Variants in CLCA2 observed in about 807,000 individuals in gnomAD.
CLCA2 encodes the protein calcium-activated chloride channel regulator 2.
CLCA2 carries 85 observed loss-of-function variants against 82.9 expected under a neutral mutation model. That is an observed-to-expected ratio of 1.03 (90% CI 0.86 to 1.23). The LOEUF (loss-of-function observed/expected upper bound fraction) is 1.23, where lower values mean the gene tolerates loss of function less well. Among genes scored for constraint, CLCA2 ranks in the 50% most tolerant of loss-of-function variants. The probability of loss-of-function intolerance (pLI) is 0.00; values close to 1 mark genes in which losing one functional copy is unlikely to be tolerated. For synonymous variants in CLCA2, 421 were observed against 391.7 expected, an observed-to-expected ratio of 1.07 and a Z score of -0.88; for missense variants, 1,089 against 1,124.8, an observed-to-expected ratio of 0.97 and a Z score of 0.45.
chr1:86,450,284 T>C (rs1266207280), intron 11 of CLCA2, among the ~76,000 whole-genome samples: 1 of 152,288 alleles, frequency 6.6e-6, no homozygotes. Flanking sequence ...TTATTTTCAA[T>C]GATAAGTACA....
intron 2 of CLCA2, 61 bp downstream of exon 2, chr1:86,425,537 TGC>T: frequency 7.5e-7 from 1 of 1,327,256 alleles, no homozygotes; most frequent in Non-Finnish European, 1.0e-6. Context: ...AAATATACTG[TGC>T]TCAAACGATA....
chr1:86,453,549 A>C lies in CLCA2; in HGVS notation c.2336A>C (p.Glu779Ala). 1 of 1,614,178 alleles carries C rather than the reference A, an allele frequency of 6.2e-7. No homozygotes were observed. Among genetic ancestry groups the C allele is most frequent in the Non-Finnish European group, 8.5e-7 (1 of 1,180,020 alleles). ...GACCTGGAAGCTGTAAAAGTAGAAG[A>C]GGAATTGACCCTATCTTGGACAGCA... The part of the protein sequence containing the change: ...IIDLEAVKVE[E>A]ELTLSWTAPG... Residue 779 changes from glutamate (E) to alanine (A), a missense_variant, in exon 13 of 14, where the codon GAG becomes GCG. Transcript: ENST00000370565.
Position 86,434,645 on chromosome 1 carries a change from T to G in CLCA2, c.872T>G (p.Met291Arg). 2.5e-6 allele frequency: 4 copies of G among 1,614,106 alleles called. No individual in the cohort carries two copies. Among genetic ancestry groups the G allele is most frequent in the Non-Finnish European group, 2.5e-6 (3 of 1,179,972 alleles). Residue 291 changes from methionine (M) to arginine (R), a missense_variant, in exon 6 of 14, where the codon ATG becomes AGG. Met to Arg is a moderately conservative substitution (Grantham distance 91). Transcript: ENST00000370565. ...DSADFHHSFP[M>R]NGTELPPPPT... ...GCTGACTTTCACCACAGCTTTCCCA[T>G]GAATGGGACTGAGCTTCCACCTCCT...
intron 10 of CLCA2, among the ~76,000 whole-genome samples, chr1:86,444,616 C>T (rs1200365863): frequency 6.6e-6 from 1 of 152,116 alleles, no homozygotes; most frequent in African/African-American, 2.4e-5. Context: ...CATGGCTGTT[C>T]ATAGAACTAG....
At chr1:86,428,387 AAAGTATTAC>A in intron 2 of CLCA2, 22 bp from the exon 3 acceptor site, 1 of 1,561,938 alleles carries the variant, frequency 6.4e-7, no homozygotes, top group East Asian at 2.3e-5. Context: ...CAGAGCTGAG[AAAGTATTAC>A]AAGGCATTTC....
At chr1:86,431,804 G>A (rs2101693234) in intron 4 of CLCA2, among the ~76,000 whole-genome samples, 1 of 152,226 alleles carries the variant, frequency 6.6e-6, no homozygotes, top group East Asian at 1.9e-4. Flanking sequence ...ACCCTATTTA[G>A]TTGTTAAAGC....
rs1448897905 is a variant in CLCA2 at position 86,434,614 on chromosome 1, G to A, written c.841G>A (p.Asp281Asn). The change falls in exon 6 of 14, where the codon GAC becomes AAC. Residue 281 changes from aspartate to asparagine, a missense_variant. Asp to Asn is a conservative substitution (Grantham distance 23). Transcript: ENST00000370565. The stretch of plus-strand genomic sequence containing the variant: ...CAGAAGTGCATGGGATGTAATCACA[G>A]ACTCTGCTGACTTTCACCACAGCTT... Reference protein sequence around the residue: ...SLRSAWDVITDSADFHHSFPM... With the variant: ...SLRSAWDVITNSADFHHSFPM... 6.2e-7 allele frequency: 1 copy of A among 1,614,096 alleles called. No homozygotes were observed. Among genetic ancestry groups the A allele is most frequent in the Non-Finnish European group, 8.5e-7 (1 of 1,179,986 alleles).
rs757643348 is a variant in CLCA2, at chr1:86,425,448, G to A, written c.296G>A (p.Ser99Asn). The change falls in exon 2 of 14, where the codon AGC becomes AAC. Residue 99 changes from serine (S) to asparagine (N), a missense_variant. Transcript: ENST00000370565. ...IPATWKANNN[S>N]KIKQESYEKA... ...GCCACATGGAAAGCTAATAATAACAGCAAAATAAAACAAGAATCATATGAA... is the reference window on the plus strand; with the variant it reads ...GCCACATGGAAAGCTAATAATAACAACAAAATAAAACAAGAATCATATGAA... 6.5e-6 allele frequency: 10 copies of A among 1,545,114 alleles called. No homozygotes were observed. The Admixed American group carries it at 1.9e-4, about 30-fold the overall frequency.
chr1:86,438,777 T>C, intron 6 of CLCA2, 99 bp from the exon 7 acceptor site: 2 of 956,720 alleles, frequency 2.1e-6, no homozygotes, highest in Non-Finnish European at 3.2e-6. Context: ...CCAACATCTC[T>C]AAAGAATTAG....
intron 2 of CLCA2, 33 bp from the exon 3 acceptor site, chr1:86,428,385 A>C: frequency 6.4e-7 from 1 of 1,561,300 alleles, no homozygotes; most frequent in African/African-American, 1.4e-5. Context: ...AACAGAGCTG[A>C]GAAAGTATTA....
intron 7 of CLCA2, 34 bp downstream of exon 7, chr1:86,439,140 T>C: frequency 6.3e-7 from 1 of 1,591,808 alleles, no homozygotes; most frequent in Non-Finnish European, 8.6e-7. Context: ...TGGATCACCA[T>C]CATTTTCCTT....
chr1:86,444,789 T>C (rs977434672), intron 10 of CLCA2, among the ~76,000 whole-genome samples: 3 of 152,202 alleles, frequency 2.0e-5, no homozygotes, highest in African/African-American at 7.2e-5. Context: ...AGGGAACCAC[T>C]GATGGTTCTA....
At chr1:86,431,926 GTTTGTTTGTTTT>G (rs1486167470) in intron 4 of CLCA2, among the ~76,000 whole-genome samples, 5 of 151,946 alleles carry the variant, frequency 3.3e-5, no homozygotes, top group African/African-American at 7.2e-5. Flanking sequence ...TGTTTTTGTT[GTTTGTTTGTTTT>G]TTTGTTTGTT....
chr1:86,453,665 G>T (rs2101714097), intron 13 of CLCA2, 63 bp downstream of exon 13: 1 of 1,382,450 alleles, frequency 7.2e-7, no homozygotes, highest in Non-Finnish European at 1.0e-6. Flanking sequence ...ACTAGGTCAG[G>T]GGCTAGTAGA....
At chr1:86,424,674 A>G (rs189773733) in intron 1 of CLCA2, among the ~76,000 whole-genome samples, 1 of 152,276 alleles carries the variant, frequency 6.6e-6, no homozygotes, top group African/African-American at 2.4e-5. Flanking sequence ...GGTTGCTACT[A>G]ATTTCAGCTC....
intron 13 of CLCA2, among the ~76,000 whole-genome samples, chr1:86,454,226 G>A (rs1663028190): frequency 6.6e-6 from 1 of 152,070 alleles, no homozygotes; most frequent in South Asian, 2.1e-4. Context: ...TTCAGAAATT[G>A]TATTTTTCCC....
At chr1:86,437,615 T>C (rs770096991) in intron 6 of CLCA2, among the ~76,000 whole-genome samples, 1 of 152,196 alleles carries the variant, frequency 6.6e-6, no homozygotes, top group Non-Finnish European at 1.5e-5. Flanking sequence ...GGCATTCATT[T>C]GTATGACTAT....
intron 10 of CLCA2, among the ~76,000 whole-genome samples, 175 bp from the exon 11 acceptor site, chr1:86,447,333 C>A (rs1051744074): frequency 3.3e-5 from 5 of 152,170 alleles, no homozygotes; most frequent in African/African-American, 1.2e-4. Flanking sequence ...CATGTAAATA[C>A]AAATTTATTC....
intron 5 of CLCA2, 44 bp downstream of exon 5, chr1:86,432,572 T>C (rs1234208716): frequency 6.3e-7 from 1 of 1,578,962 alleles, no homozygotes; most frequent in Admixed American, 1.8e-5. Flanking sequence ...GGATTCCTTC[T>C]CTTCCCATGT....
Sources: allele counts gnomAD v4.1 joint callset (sites outside exome capture counted in the v4.1 genomes callset), GRCh38; gene constraint gnomAD v4.1.1; transcripts MANE v1.5; gene names NCBI Gene and HGNC (gene_info 2026-07-23, HGNC 2026-07-21).